Variants in EPHA6 observed in about 807,000 individuals in gnomAD.
EPHA6 encodes ephrin type-A receptor 6.
In EPHA6, 50 loss-of-function variants were observed where a neutral mutation model predicts 112.0. That is an observed-to-expected ratio of 0.45 (90% confidence interval 0.36 to 0.56). The LOEUF (loss-of-function observed/expected upper bound fraction) is 0.56, where lower values mean the gene tolerates loss of function less well. Ranked by LOEUF, EPHA6 falls within the 20% of genes least tolerant of loss-of-function variation. The probability of loss-of-function intolerance (pLI) is 0.00; values close to 1 mark genes in which losing one functional copy is unlikely to be tolerated. For missense variants in EPHA6, 1,280 were observed against 1,417.4 expected, an observed-to-expected ratio of 0.90 and a Z score of 1.56; for synonymous variants, 529 against 490.7, an observed-to-expected ratio of 1.08 and a Z score of -1.03.
intron 2 of EPHA6, among the ~76,000 whole-genome samples, chr3:96,974,484 T>A (rs1463601034): frequency 6.6e-6 from 1 of 150,936 alleles, no homozygotes; most frequent in East Asian, 1.9e-4. Context: ...CTGTCTCTTT[T>A]TTTTTTTAAT....
chr3:97,458,538 G>A (rs1254478522), intron 7 of EPHA6, among the ~76,000 whole-genome samples: 1 of 152,068 alleles, frequency 6.6e-6, no homozygotes, highest in South Asian at 2.1e-4. Flanking sequence ...ACGTAAGTGT[G>A]TGTATATATA....
intron 2 of EPHA6, among the ~76,000 whole-genome samples, chr3:96,938,231 A>T (rs1157219379): frequency 2.0e-5 from 3 of 152,080 alleles, no homozygotes; most frequent in Non-Finnish European, 4.4e-5. Context: ...TGATTCTTCC[A>T]ACCCATGAGC....
intron 3 of EPHA6, chr3:97,010,051 C>T (rs982083462): frequency 2.3e-5 from 30 of 1,297,138 alleles, no homozygotes; most frequent in African/African-American, 1.1e-4. Context: ...GGCCCCACCC[C>T]GAAACAGTAA....
intron 3 of EPHA6, among the ~76,000 whole-genome samples, chr3:97,187,145 G>A (rs1354276247): frequency 6.6e-6 from 1 of 152,036 alleles, no homozygotes; most frequent in Non-Finnish European, 1.5e-5. Flanking sequence ...GCTAGCTGTG[G>A]GGTTTAGTCC....
chr3:97,083,131 C>T (rs1683474263), intron 3 of EPHA6, among the ~76,000 whole-genome samples: 1 of 151,918 alleles, frequency 6.6e-6, no homozygotes, highest in African/African-American at 2.4e-5. Context: ...TCTCCTTCAA[C>T]TTATTTTAAC....
At position 97,759,267 on chromosome 3, in the gene EPHA6, A is replaced by T. The variant is rs1303840677; in HGVS notation, c.*10566A>T. On this transcript the variant is annotated 3_prime_UTR_variant, in exon 18 of 18. Coordinates refer to ENST00000389672, the MANE Select transcript of EPHA6 (RefSeq NM_001080448.3). Reference sequence around the variant, plus strand: ...TCACAAGGTCATCAACTATGAAAATAGTGGAGTCAACTATCAACTATGAAA... The same window carrying T: ...TCACAAGGTCATCAACTATGAAAATTGTGGAGTCAACTATCAACTATGAAA... 6.6e-6 allele frequency among the ~76,000 whole-genome samples: 1 copy of T among 151,984 alleles called. No individual in the cohort carries two copies. Among genetic ancestry groups the T allele is most frequent in the Non-Finnish European group, 1.5e-5 (1 of 67,872 alleles).
intron 2 of EPHA6, among the ~76,000 whole-genome samples, chr3:96,879,130 T>G (rs6438814): frequency 0.93 from 141,097 of 152,050 alleles, 65,561 homozygotes; most frequent in East Asian, 1. Flanking sequence ...CTGAAAATCT[T>G]AAAAGAAGAT....
chr3:97,265,806 C>T (rs1038956335), intron 5 of EPHA6, among the ~76,000 whole-genome samples: 2 of 152,184 alleles, frequency 1.3e-5, no homozygotes, highest in Non-Finnish European at 2.9e-5. Flanking sequence ...TTGCAGCCGG[C>T]GCAATGGCAG....
chr3:97,222,118 A>T (rs1484552213), intron 3 of EPHA6, among the ~76,000 whole-genome samples: 4 of 151,946 alleles, frequency 2.6e-5, no homozygotes, highest in African/African-American at 9.7e-5. Context: ...GTGATATGTG[A>T]TATTGAGGCC....
intron 11 of EPHA6, among the ~76,000 whole-genome samples, chr3:97,535,413 T>C (rs1489779977): frequency 6.6e-6 from 1 of 152,132 alleles, no homozygotes; most frequent in East Asian, 1.9e-4. Flanking sequence ...ATTGTAGCAT[T>C]AACTTGTTAG....
chr3:96,985,102 T>G (rs374825420), intron 2 of EPHA6, among the ~76,000 whole-genome samples: 48 of 152,174 alleles, frequency 3.2e-4, no homozygotes, highest in African/African-American at 1.1e-3. Flanking sequence ...ACCCGGTACC[T>G]CAGTTGGAAA....
At chr3:97,282,299 G>A (rs1005371952) in intron 5 of EPHA6, among the ~76,000 whole-genome samples, 4 of 152,204 alleles carry the variant, frequency 2.6e-5, no homozygotes, top group South Asian at 2.1e-4. Flanking sequence ...ATACCATCTC[G>A]TGCCACTTAG....
intron 3 of EPHA6, among the ~76,000 whole-genome samples, chr3:97,197,494 G>A (rs986304574): frequency 1.3e-5 from 2 of 151,928 alleles, no homozygotes; most frequent in Non-Finnish European, 2.9e-5. Context: ...TGGAATGGGT[G>A]CCTCAGGACT....
chr3:97,154,981 A>C (rs1291596192), intron 3 of EPHA6, among the ~76,000 whole-genome samples: 2 of 152,194 alleles, frequency 1.3e-5, no homozygotes, highest in Non-Finnish European at 2.9e-5. Context: ...TGACTTAGGT[A>C]AAATAAAGAT....
At chr3:96,842,804 C>T (rs2034829021) in intron 1 of EPHA6, among the ~76,000 whole-genome samples, 1 of 151,990 alleles carries the variant, frequency 6.6e-6, no homozygotes, top group Admixed American at 6.6e-5. Context: ...ATCATTTTGT[C>T]CAGATCAGAA....
chr3:97,548,490 C>T (rs552116466), intron 11 of EPHA6, among the ~76,000 whole-genome samples: 3 of 152,154 alleles, frequency 2.0e-5, no homozygotes, highest in Non-Finnish European at 2.9e-5. Context: ...CTTTTGTGCA[C>T]TAATTTTATC....
chr3:97,201,731 T>C (rs1258129358), intron 3 of EPHA6, among the ~76,000 whole-genome samples: 2 of 152,138 alleles, frequency 1.3e-5, no homozygotes. Flanking sequence ...TGCCTTAGTG[T>C]TCTCATCTGC....
At chr3:97,286,024 T>C (rs899272703) in intron 5 of EPHA6, among the ~76,000 whole-genome samples, 1 of 152,186 alleles carries the variant, frequency 6.6e-6, no homozygotes, top group Non-Finnish European at 1.5e-5. Context: ...TAGCCATTTG[T>C]ATGTCCTGAT....
At chr3:97,165,879 A>G (rs993466659) in intron 3 of EPHA6, among the ~76,000 whole-genome samples, 1 of 152,162 alleles carries the variant, frequency 6.6e-6, no homozygotes, top group Non-Finnish European at 1.5e-5. Context: ...ATTCAATAAA[A>G]AATTGCATTG....
Sources: allele counts gnomAD v4.1 joint callset (sites outside exome capture counted in the v4.1 genomes callset), GRCh38; gene constraint gnomAD v4.1.1; transcripts MANE v1.5; gene names NCBI Gene and HGNC (gene_info 2026-07-23, HGNC 2026-07-21).